The following PTPRK variants were observed in gnomAD, a reference collection of about 807,000 sequenced individuals.
The protein encoded by PTPRK is protein tyrosine phosphatase receptor type K, also known as receptor-type tyrosine-protein phosphatase kappa.
PTPRK carries 75 observed loss-of-function variants against 178.0 expected under a neutral mutation model. That is an observed-to-expected ratio of 0.42 (90% CI 0.35 to 0.51). PTPRK has a LOEUF of 0.51. Ranked by LOEUF, PTPRK falls within the 20% of genes least tolerant of loss-of-function variation. The pLI, the probability that PTPRK is intolerant of heterozygous loss-of-function variation, is 0.02. For missense variants in PTPRK, 1,441 were observed against 1,797.8 expected (o/e 0.80, Z 3.59); for synonymous variants, 637 against 620.6 (o/e 1.03, Z -0.39).
At chr6:128,283,880 A>G (rs1194055513) in intron 3 of PTPRK, among the ~76,000 whole-genome samples, 2 of 152,130 alleles carry the variant, frequency 1.3e-5, no homozygotes, top group East Asian at 3.9e-4. Context: ...CCATTAGCTC[A>G]CTATACCTAG....
In PTPRK at chr6:127,981,182, T is replaced by G; in HGVS notation, c.3645A>C (p.Arg1215Ser). 6.2e-7 allele frequency: 1 copy of G among 1,613,948 alleles called. No individual in the cohort carries two copies. Among genetic ancestry groups the G allele is most frequent in the Non-Finnish European group, 8.5e-7 (1 of 1,180,000 alleles). ...NRFMDMLPPD[R>S]CLPFLITIDG... ...CAATTGTAATTAAAAAAGGCAGACA[T>G]CTGTCAGGTGGCAGCATGTCCATGA... Residue 1215 changes from arginine to serine, a missense_variant, in exon 25 of 30, where the codon AGA becomes AGC. Coordinates refer to ENST00000368226, the MANE Select transcript of PTPRK (RefSeq NM_002844.4).
chr6:128,127,861 A>G (rs1793630419), intron 7 of PTPRK, among the ~76,000 whole-genome samples: 1 of 152,238 alleles, frequency 6.6e-6, no homozygotes, highest in African/African-American at 2.4e-5. Flanking sequence ...ACTCAGCATT[A>G]AAATAATTTC....
chr6:128,178,581 T>C (rs1583347607), intron 7 of PTPRK, among the ~76,000 whole-genome samples: 1 of 151,958 alleles, frequency 6.6e-6, no homozygotes, highest in Non-Finnish European at 1.5e-5. Context: ...CTGATTATTA[T>C]GAATGATAAT....
intron 1 of PTPRK, among the ~76,000 whole-genome samples, chr6:128,450,610 T>C (rs1333263512): frequency 1.3e-5 from 2 of 152,206 alleles, no homozygotes; most frequent in Non-Finnish European, 1.5e-5. Context: ...TTTCCACTGA[T>C]GGTGCAATGA....
At chr6:128,334,454 T>C (rs1830651596) in intron 2 of PTPRK, among the ~76,000 whole-genome samples, 2 of 152,124 alleles carry the variant, frequency 1.3e-5, no homozygotes, top group African/African-American at 4.8e-5. Flanking sequence ...AAGAAGTACA[T>C]GAAGAACAAC....
intron 7 of PTPRK, among the ~76,000 whole-genome samples, chr6:128,121,577 CT>C (rs1792470921): frequency 6.6e-6 from 1 of 151,986 alleles, no homozygotes; most frequent in African/African-American, 2.4e-5. Flanking sequence ...ACAAACTTAT[CT>C]GCACAGAAAA....
intron 5 of PTPRK, among the ~76,000 whole-genome samples, chr6:128,233,218 A>G (rs773377235): frequency 7.9e-5 from 12 of 152,244 alleles, no homozygotes; most frequent in Non-Finnish European, 1.5e-4. Flanking sequence ...CATCAGAAAG[A>G]GCACTGTGAG....
intron 6 of PTPRK, among the ~76,000 whole-genome samples, chr6:128,212,022 A>C (rs1218786017): frequency 1.3e-5 from 2 of 152,056 alleles, no homozygotes; most frequent in Non-Finnish European, 2.9e-5. Flanking sequence ...AAGCCAAATT[A>C]GTGCTTAATA....
chr6:128,251,075 C>T (rs1364264058), intron 3 of PTPRK, among the ~76,000 whole-genome samples: 1 of 151,092 alleles, frequency 6.6e-6, no homozygotes, highest in Non-Finnish European at 1.5e-5. Flanking sequence ...GGCCTTTAGT[C>T]AAGGCCTTGA....
At chr6:127,978,324 A>C (rs58100965) in intron 25 of PTPRK, among the ~76,000 whole-genome samples, 5,926 of 152,256 alleles carry the variant, frequency 0.039, 405 homozygotes, top group African/African-American at 0.14. Flanking sequence ...TGAATCATGC[A>C]GGCAGTTTCC....
intron 3 of PTPRK, among the ~76,000 whole-genome samples, chr6:128,258,402 T>C (rs1014283356): frequency 1.3e-5 from 2 of 152,162 alleles, no homozygotes; most frequent in Non-Finnish European, 2.9e-5. Flanking sequence ...CCCTTACCTC[T>C]TCCTGAAGTG....
rs559130138 is a variant in PTPRK at position 128,234,278 on chromosome 6, G to C, written c.693+5757C>G. Among the ~76,000 whole-genome samples, 168 of 152,306 alleles carry C rather than the reference G, an allele frequency of 1.1e-3. 1 individual carries two copies. The highest frequency in any genetic ancestry group is 3.4e-3 in the Middle Eastern group (1 of 294). On this transcript the variant is annotated intron_variant, in intron 5 of 29. Coordinates refer to ENST00000368226, the MANE Select transcript of PTPRK (RefSeq NM_002844.4). ...GCTATTACCATCTATGGCTTGATTA[G>C]CACTGCCAGTAAGTTCGTTATTTGA...
intron 13 of PTPRK, among the ~76,000 whole-genome samples, chr6:128,045,391 A>G (rs944310772): frequency 1.3e-5 from 2 of 151,928 alleles, no homozygotes; most frequent in Non-Finnish European, 2.9e-5. Flanking sequence ...TACTTTTTAA[A>G]CCTATTTTTC....
At chr6:128,354,278 C>T (rs1421003146) in intron 2 of PTPRK, among the ~76,000 whole-genome samples, 2 of 100,680 alleles carry the variant, frequency 2.0e-5, no homozygotes, top group African/African-American at 3.9e-5. Context: ...CACTCTGTCG[C>T]CCAGGCTGGA....
chr6:128,472,429 C>CCG (rs1850818869), intron 1 of PTPRK, among the ~76,000 whole-genome samples: 1 of 149,810 alleles, frequency 6.7e-6, no homozygotes, highest in Admixed American at 6.7e-5. Flanking sequence ...CACCCCCCCC[C>CCG]CCTTTAGCTT....
chr6:128,250,778 T>C (rs1038133060), intron 3 of PTPRK, among the ~76,000 whole-genome samples: 7 of 152,186 alleles, frequency 4.6e-5, no homozygotes, highest in Non-Finnish European at 1.0e-4. Flanking sequence ...AATTCTAGAA[T>C]CTAGTTACTT....
At chr6:128,260,775 T>C (rs1362618345) in intron 3 of PTPRK, among the ~76,000 whole-genome samples, 2 of 152,200 alleles carry the variant, frequency 1.3e-5, no homozygotes, top group East Asian at 1.9e-4. Context: ...TGAACTTTCA[T>C]GTACATTCAC....
chr6:128,337,177 A>G (rs1831048321), intron 2 of PTPRK, among the ~76,000 whole-genome samples: 2 of 152,154 alleles, frequency 1.3e-5, no homozygotes, highest in East Asian at 3.9e-4. Flanking sequence ...TTAATAAACA[A>G]ATTTACATTG....
Position 127,973,905 on chromosome 6 carries a change from C to T in PTPRK, c.3970-78G>A, listed in dbSNP as rs544291750. 6.5e-6 allele frequency: 9 copies of T among 1,391,668 alleles called. No individual in the cohort carries two copies. In the African/African-American group the frequency reaches 1.2e-4, roughly 18 times the overall value. The allele number at this position is 1,391,668 out of a possible 1,614,324, so 86.2% of individuals were successfully genotyped here. On this transcript the variant is annotated intron_variant, in intron 27 of 29. Coordinates refer to ENST00000368226, the MANE Select transcript of PTPRK (RefSeq NM_002844.4). ...AAAAGTAAAAGGTGCATATAATTTACAATACAAATGGCATCTACACTGGAT... is the reference window on the plus strand; with the variant it reads ...AAAAGTAAAAGGTGCATATAATTTATAATACAAATGGCATCTACACTGGAT...
Sources: gnomAD v4.1 joint callset for allele counts (sites outside exome capture counted in the v4.1 genomes callset) on GRCh38, gnomAD v4.1.1 for gene constraint, MANE v1.5 for transcripts, NCBI Gene and HGNC (gene_info 2026-07-23, HGNC 2026-07-21) for gene names.